Variants in RERE observed in about 807,000 individuals in gnomAD.
RERE encodes the protein arginine-glutamic acid dipeptide repeats protein.
RERE carries 40 observed loss-of-function variants against 146.1 expected under a neutral mutation model. That is an observed-to-expected ratio of 0.27 (90% CI 0.21 to 0.36). The LOEUF is 0.36. RERE is among the 10% of genes least tolerant of loss of function. RERE has a pLI of 1.00. For missense variants in RERE, 1,933 were observed against 2,138.7 expected (o/e 0.90, Z 1.90); for synonymous variants, 1,003 against 866.0 (o/e 1.16, Z -2.78).
intron 11 of RERE, chr1:8,424,595 TCAACAGG>T (rs1382557271): frequency 6.6e-6 from 1 of 152,090 alleles, no homozygotes; most frequent in Non-Finnish European, 1.5e-5. Context: ...GTTTATATGA[TCAACAGG>T]CATCCTACGC....
chr1:8,429,320 G>C (rs934474068), intron 11 of RERE, among the ~76,000 whole-genome samples: 1 of 152,168 alleles, frequency 6.6e-6, no homozygotes, highest in South Asian at 2.1e-4. Flanking sequence ...GAATGGAGCC[G>C]AGGGTGCAGA....
intron 3 of RERE, among the ~76,000 whole-genome samples, chr1:8,620,145 G>A (rs1221931140): frequency 6.6e-6 from 1 of 152,220 alleles, no homozygotes; most frequent in Non-Finnish European, 1.5e-5. Context: ...AAAAGCTATG[G>A]GAGGGCAGCA....
intron 12 of RERE, among the ~76,000 whole-genome samples, chr1:8,417,146 G>T (rs1336927382): frequency 1.3e-5 from 2 of 152,092 alleles, no homozygotes. Flanking sequence ...TTTATTTAAG[G>T]TTATAACCTG....
rs917531285 is a variant in RERE at position 8,578,704 on chromosome 1, T to C, written c.523-21181A>G. 6.6e-5 allele frequency among the ~76,000 whole-genome samples: 10 copies of C among 152,130 alleles called. 1 individual carries two copies. Among genetic ancestry groups the C allele is most frequent in the African/African-American group, 2.4e-4 (10 of 41,438 alleles). The stretch of plus-strand genomic sequence containing the variant: ...CTCACCTTTCAAGTGTCAAGGGGTC[T>C]TTCCAAGAACATCTCACTTAGGGGG... On this transcript the variant is annotated intron_variant, in intron 4 of 22. Coordinates refer to ENST00000400908, the MANE Select transcript of RERE (RefSeq NM_001042681.2).
intron 4 of RERE, among the ~76,000 whole-genome samples, chr1:8,572,528 C>T (rs1194052406): frequency 5.3e-5 from 8 of 152,124 alleles, no homozygotes; most frequent in African/African-American, 1.7e-4. Flanking sequence ...CTAGAACATA[C>T]AACAGTTTTA....
At position 8,497,483 on chromosome 1, in the gene RERE, G is replaced by A. The variant is rs779054319; in HGVS notation, c.926C>T (p.Thr309Ile). 1 of 1,614,110 alleles carries A rather than the reference G, an allele frequency of 6.2e-7. No individual in the cohort carries two copies. Among genetic ancestry groups the A allele is most frequent in the Non-Finnish European group, 8.5e-7 (1 of 1,179,962 alleles). The change falls in exon 9 of 23, where the codon ACA (threonine) becomes ATA (isoleucine). Residue 309 changes from threonine to isoleucine, a missense_variant. By Grantham distance (89) the Thr-to-Ile change is moderately conservative. Around this residue, in one of 11 missense-constraint regions of RERE, gnomAD observed 260 missense variants for 378.4 expected, o/e 0.69. Coordinates refer to ENST00000400908, the MANE Select transcript of RERE (RefSeq NM_001042681.2). ...LQPFPSPDGD[T>I]VTQHEELVWM... Reference sequence around the variant, plus strand: ...GACCAGTTCCTCATGTTGGGTCACTGTATCACCATCTGGAGAAGGAAATGG... The same window carrying A: ...GACCAGTTCCTCATGTTGGGTCACTATATCACCATCTGGAGAAGGAAATGG...
chr1:8,456,084 G>A (rs974731112), intron 11 of RERE, among the ~76,000 whole-genome samples: 12 of 152,190 alleles, frequency 7.9e-5, no homozygotes, highest in African/African-American at 2.7e-4. Context: ...AATGCCGGCC[G>A]ACAAGGGAAG....
intron 7 of RERE, among the ~76,000 whole-genome samples, chr1:8,531,178 G>C (rs1427297633): frequency 2.0e-5 from 3 of 151,990 alleles, no homozygotes; most frequent in Admixed American, 6.6e-5. Flanking sequence ...AATTTGGATG[G>C]GCCCGGGGGC....
At chr1:8,716,517 T>A (rs188115045) in intron 1 of RERE, among the ~76,000 whole-genome samples, 1 of 151,940 alleles carries the variant, frequency 6.6e-6, no homozygotes, top group Admixed American at 6.6e-5. Context: ...TTTAGCAATA[T>A]TGAGATAAGT....
chr1:8,539,734 T>C (rs1426946489), intron 7 of RERE, among the ~76,000 whole-genome samples: 2 of 152,272 alleles, frequency 1.3e-5, no homozygotes, highest in East Asian at 3.9e-4. Flanking sequence ...GGAGAAAAGG[T>C]ACTCTTTGAT....
chr1:8,544,269 T>C, intron 6 of RERE, among the ~76,000 whole-genome samples: 1 of 152,228 alleles, frequency 6.6e-6, no homozygotes, highest in East Asian at 1.9e-4. Flanking sequence ...AAGAATTTGG[T>C]TAACTACATC....
At chr1:8,520,787 C>T (rs1326586454) in intron 7 of RERE, among the ~76,000 whole-genome samples, 2 of 140,380 alleles carry the variant, frequency 1.4e-5, no homozygotes, top group African/African-American at 5.2e-5. Flanking sequence ...CCACTATGAC[C>T]GAAACCCACT....
chr1:8,683,903 C>T (rs1261133423), intron 1 of RERE, among the ~76,000 whole-genome samples: 1 of 152,176 alleles, frequency 6.6e-6, no homozygotes, highest in African/African-American at 2.4e-5. Flanking sequence ...AATGGCACCA[C>T]TGCACTCCAG....
intron 1 of RERE, among the ~76,000 whole-genome samples, chr1:8,811,512 G>A (rs146545892): frequency 1.1e-4 from 17 of 152,358 alleles, no homozygotes; most frequent in African/African-American, 3.6e-4. Flanking sequence ...GGAGGCCAAG[G>A]AGGGAGGATA....
intron 1 of RERE, among the ~76,000 whole-genome samples, chr1:8,779,619 C>T (rs1390931773): frequency 2.6e-5 from 4 of 151,850 alleles, no homozygotes; most frequent in East Asian, 1.9e-4. Flanking sequence ...GCCGAGATCA[C>T]GCCACTGCAC....
chr1:8,791,973 ATCCTAATACTTT>A (rs1262608058), intron 1 of RERE, among the ~76,000 whole-genome samples: 10 of 152,168 alleles, frequency 6.6e-5, no homozygotes, highest in African/African-American at 2.4e-5. Context: ...CACACCTGTA[ATCCTAATACTTT>A]GGAAGGCCAA....
intron 12 of RERE, among the ~76,000 whole-genome samples, chr1:8,420,199 C>T (rs1011526737): frequency 3.3e-5 from 5 of 152,218 alleles, no homozygotes; most frequent in South Asian, 4.1e-4. Flanking sequence ...GGCATGGTAG[C>T]GTGCACCTGT....
chr1:8,423,551 G>C lies in RERE; in HGVS notation c.1204-744C>G. On this transcript the variant is annotated intron_variant, in intron 11 of 22. Transcript: ENST00000400908. This position sits in a 1 kb window ranked among gnomAD's most constrained non-coding sequence, Gnocchi z 5.4. ...CCCGGTGGGGGCAGCTCCTGGCTCC[G>C]AGCCCCCACCTCGGGGCTCCCAGCC... The C allele has an allele frequency of 2.0e-6, 2 of 985,002 alleles. No individual in the cohort carries two copies. The highest frequency in any genetic ancestry group is 4.7e-5 in the South Asian group (1 of 21,266). The allele number at this position is 985,002 out of a possible 1,614,324, so 61.0% of individuals were successfully genotyped here.
At chr1:8,641,733 T>C (rs570521720) in intron 2 of RERE, among the ~76,000 whole-genome samples, 2 of 152,316 alleles carry the variant, frequency 1.3e-5, no homozygotes, top group South Asian at 2.1e-4. Context: ...GAACATATCA[T>C]ACAACTGTGA....
Sources: allele counts gnomAD v4.1 joint callset (sites outside exome capture counted in the v4.1 genomes callset), GRCh38; gene constraint gnomAD v4.1.1; regional missense constraint gnomAD v4.1.1; non-coding constraint Gnocchi (gnomAD v3.1); transcripts MANE v1.5; gene names NCBI Gene and HGNC (gene_info 2026-07-23, HGNC 2026-07-21).